The following RIC3 variants were observed in gnomAD, a reference collection of about 807,000 sequenced individuals.
The protein encoded by RIC3 is RIC3 acetylcholine receptor chaperone.
A neutral mutation model predicts 27.3 loss-of-function variants in RIC3; 28 were observed. The observed-to-expected ratio is 1.02, with a 90% confidence interval of 0.76 to 1.41. The LOEUF (loss-of-function observed/expected upper bound fraction) is 1.41, where lower values mean the gene tolerates loss of function less well. Among genes scored for constraint, RIC3 ranks in the 40% most tolerant of loss-of-function variants. RIC3 has a pLI of 0.00. For synonymous variants in RIC3, 184 were observed against 160.4 expected (o/e 1.15, Z -1.11); for missense variants, 501 against 444.7 (o/e 1.13, Z -1.14).
chr11:8,134,000 A>G (rs558668922), intron 4 of RIC3, among the ~76,000 whole-genome samples: 1 of 150,754 alleles, frequency 6.6e-6, no homozygotes, highest in Admixed American at 6.6e-5. Flanking sequence ...TTTAATATAT[A>G]TATTTTTTAT....
At chr11:8,168,716 G>A (rs959195504) in intron 1 of RIC3, 150 bp downstream of exon 1, 52 of 1,169,012 alleles carry the variant, frequency 4.4e-5, no homozygotes, top group Non-Finnish European at 5.7e-5. Context: ...GTGGGCATTG[G>A]CCCTTCAACG....
At chr11:8,122,294 A>C (rs1444798307) in intron 5 of RIC3, among the ~76,000 whole-genome samples, 2 of 152,090 alleles carry the variant, frequency 1.3e-5, no homozygotes, top group African/African-American at 4.8e-5. Flanking sequence ...TCAGTCCTCT[A>C]TTTCTATAAT....
chr11:8,162,069 A>G (rs544515916), intron 1 of RIC3, among the ~76,000 whole-genome samples: 1 of 151,882 alleles, frequency 6.6e-6, no homozygotes, highest in Admixed American at 6.6e-5. Flanking sequence ...GAATGTGAGG[A>G]GGTAATGTCC....
At chr11:8,119,341 A>C (rs1430825406) in intron 5 of RIC3, among the ~76,000 whole-genome samples, 2 of 152,220 alleles carry the variant, frequency 1.3e-5, no homozygotes, top group Admixed American at 6.5e-5. Flanking sequence ...TGGTACCAAA[A>C]TAGAGATATA....
chr11:8,103,867 A>G (rs960326340), downstream of RIC3: 1 of 152,350 alleles, frequency 6.6e-6, no homozygotes, highest in African/African-American at 2.4e-5. Flanking sequence ...TGGAAAAATC[A>G]GAAGCACAAA....
chr11:8,139,691 C>A, intron 2 of RIC3: 5 of 204,994 alleles, frequency 2.4e-5, no homozygotes, highest in Non-Finnish European at 4.4e-5. Flanking sequence ...TTGTATCACT[C>A]ACTGGATTAA....
At chr11:8,101,652 C>T (rs758413286), downstream of RIC3, 2 of 1,611,364 alleles carry the variant, frequency 1.2e-6, no homozygotes, top group South Asian at 2.2e-5. Flanking sequence ...GTTGCCCAGC[C>T]TGGAGCGGAG....
the RIC3 span, chr11:8,100,412 ACTAGCTCTTCCTCTTTATTCCCGTC>A: frequency 4.1e-6 from 4 of 981,054 alleles, no homozygotes; most frequent in East Asian, 1.0e-4. Context: ...GATGGTGGGA[ACTAGCTCTTCCTCTTTATTCCCGTC>A]CCCCCCACCT....
intron 1 of RIC3, among the ~76,000 whole-genome samples, chr11:8,160,936 TG>T (rs1416653239): frequency 6.6e-6 from 1 of 152,196 alleles, no homozygotes. Context: ...AAAAAGTATC[TG>T]GGACAGGCCT....
chr11:8,167,774 A>C (rs1951841918), intron 1 of RIC3, among the ~76,000 whole-genome samples: 1 of 152,126 alleles, frequency 6.6e-6, no homozygotes, highest in South Asian at 2.1e-4. Flanking sequence ...TAAGACAGAA[A>C]GGAAAAAAAA....
At chr11:8,117,647 T>A (rs1945999084) in intron 5 of RIC3, among the ~76,000 whole-genome samples, 1 of 152,154 alleles carries the variant, frequency 6.6e-6, no homozygotes, top group African/African-American at 2.4e-5. Context: ...CTATAGTTAA[T>A]AACAGTATGT....
downstream of RIC3, chr11:8,101,843 TA>T: frequency 2.2e-6 from 1 of 464,550 alleles, no homozygotes; most frequent in South Asian, 7.8e-5. Context: ...GGGATGAGAA[TA>T]ATTCTTTCCA....
the RIC3 span, among the ~76,000 whole-genome samples, chr11:8,093,602 C>T: frequency 6.6e-6 from 1 of 152,192 alleles, no homozygotes; most frequent in Non-Finnish European, 1.5e-5. Flanking sequence ...GGCTCATCCC[C>T]GCAGAGCCCC....
At chr11:8,162,621 T>G (rs1343875821) in intron 1 of RIC3, among the ~76,000 whole-genome samples, 1 of 147,744 alleles carries the variant, frequency 6.8e-6, no homozygotes, top group Non-Finnish European at 1.5e-5. Flanking sequence ...CAAGGCTCCA[T>G]GCTTCTTCTT....
chr11:8,118,527 T>TA (rs11378233), intron 5 of RIC3, among the ~76,000 whole-genome samples: 27,605 of 66,412 alleles, frequency 0.42, 7,478 homozygotes, highest in Non-Finnish European at 0.53. Flanking sequence ...GCCATAATTG[T>TA]AAAAAAAAAA....
At chr11:8,147,219 TATTG>T (rs1949775408) in intron 1 of RIC3, among the ~76,000 whole-genome samples, 1 of 152,214 alleles carries the variant, frequency 6.6e-6, no homozygotes. Context: ...TTCTTACACA[TATTG>T]ATTGATGTCT....
At chr11:8,129,187 A>C (rs1389364123) in intron 4 of RIC3, among the ~76,000 whole-genome samples, 1 of 151,804 alleles carries the variant, frequency 6.6e-6, no homozygotes, top group Non-Finnish European at 1.5e-5. Flanking sequence ...AGCTATTGAG[A>C]CATTTGTATT....
chr11:8,164,450 T>G (rs1392634070), intron 1 of RIC3, among the ~76,000 whole-genome samples: 1 of 152,118 alleles, frequency 6.6e-6, no homozygotes, highest in African/African-American at 2.4e-5. Flanking sequence ...GATTTGTACC[T>G]AGAATATACA....
chr11:8,161,493 C>T (rs1951156915), intron 1 of RIC3, among the ~76,000 whole-genome samples: 1 of 152,228 alleles, frequency 6.6e-6, no homozygotes, highest in Admixed American at 6.5e-5. Flanking sequence ...TCTCTTCCCT[C>T]CAATCTATCC....
Sources: allele counts gnomAD v4.1 joint callset (sites outside exome capture counted in the v4.1 genomes callset), GRCh38; gene constraint gnomAD v4.1.1; transcripts MANE v1.5; gene names NCBI Gene and HGNC (gene_info 2026-07-23, HGNC 2026-07-21).